FUZ: variants seen among roughly 807,000 people sequenced by gnomAD.
FUZ encodes the protein protein fuzzy homolog.
In FUZ, 31 loss-of-function variants were observed where a neutral mutation model predicts 43.1. The observed-to-expected ratio is 0.72, with a 90% CI of 0.54 to 0.97. FUZ has a LOEUF of 0.97. Among genes scored for constraint, FUZ ranks in the 50% least tolerant of loss-of-function variants. The probability of loss-of-function intolerance (pLI) is 0.00; values close to 1 mark genes in which losing one functional copy is unlikely to be tolerated. For missense variants in FUZ, 539 were observed against 543.8 expected (o/e 0.99, Z 0.09); for synonymous variants, 274 against 250.0 (o/e 1.10, Z -0.91).
intron 3 of FUZ, among the ~76,000 whole-genome samples, 157 bp downstream of exon 3, chr19:49,812,094 C>G (rs138746157): frequency 6.6e-6 from 1 of 152,140 alleles, no homozygotes; most frequent in Non-Finnish European, 1.5e-5. Flanking sequence ...GGCAACAGAG[C>G]GAGACTCCGT....
Position 49,813,265 on chromosome 19 carries a change from CA to C in FUZ, c.-160del, listed in dbSNP as rs1266036134. 1 of 733,726 alleles carries C rather than the reference CA, an allele frequency of 1.4e-6. No individual in the cohort carries two copies. Among genetic ancestry groups the C allele is most frequent in the Non-Finnish European group, 2.4e-6 (1 of 412,196 alleles). The allele number at this position is 733,726 out of a possible 1,614,324, so 45.5% of individuals were successfully genotyped here. On this transcript the variant is annotated 5_prime_UTR_variant, in exon 1 of 11. Coordinates refer to ENST00000313777, the MANE Select transcript of FUZ (RefSeq NM_025129.5). ...AACTTCCCGCCTTCTTCACCCAACT[CA>C]AACAGACCCTCAAACCCTATTCAGG...
At chr19:49,808,290 CCCTATGGCCCAGTGCAT>C (rs1354760203) in intron 10 of FUZ, 107 bp downstream of exon 10, 3 of 974,770 alleles carry the variant, frequency 3.1e-6, no homozygotes, top group Non-Finnish European at 4.7e-6. Flanking sequence ...AAAACCACTG[CCCTATGGCCCAGTGCAT>C]ACTGGGTTCC....
At position 49,808,840 on chromosome 19, in the gene FUZ, C is replaced by A; in HGVS notation, c.787-17G>T. ...CTCCAGAAGCTGCAGGGGGCGTGGT[C>A]ATTGTGAGGTCGTCATGGGAAGGCG... On this transcript the variant is annotated splice_polypyrimidine_tract_variant and intron_variant, in intron 7 of 10. Coordinates refer to ENST00000313777, the MANE Select transcript of FUZ (RefSeq NM_025129.5). The A allele has an allele frequency of 1.3e-6, 2 of 1,534,726 alleles. No homozygotes were observed. The highest frequency in any genetic ancestry group is 2.4e-5 in the South Asian group (2 of 83,852).
At chr19:49,811,266 T>C (rs769303801) in intron 5 of FUZ, 97 bp downstream of exon 5, 1 of 789,930 alleles carries the variant, frequency 1.3e-6, no homozygotes, top group Non-Finnish European at 2.2e-6. Context: ...GCTGAGAGGA[T>C]AGGAGGAGGT....
chr19:49,808,788 C>G lies in FUZ; in HGVS notation c.822G>C (p.Pro274=), dbSNP rs771008942. 1.9e-6 allele frequency: 3 copies of G among 1,558,698 alleles called. No individual in the cohort carries two copies. Among genetic ancestry groups the G allele is most frequent in the Non-Finnish European group, 2.6e-6 (3 of 1,151,702 alleles). The change falls in exon 8 of 11, where the codon CCG becomes CCC. Residue 274 remains proline (P), a synonymous_variant. Coordinates refer to ENST00000313777, the MANE Select transcript of FUZ (RefSeq NM_025129.5). ...LERWWQPLLD[P]LRACLPLGPR... The stretch of plus-strand genomic sequence containing the variant: ...GTCCCAACGGCAGACAGGCCCGCAA[C>G]GGGTCCAGCAGTGGCTGCCACCAGC...
At chr19:49,808,854 C>T (rs2073576036) in intron 7 of FUZ, 31 bp from the exon 8 acceptor site, 1 of 1,503,038 alleles carries the variant, frequency 6.7e-7, no homozygotes, top group Admixed American at 2.0e-5. Flanking sequence ...GTGAGGTCGT[C>T]ATGGGAAGGC....
chr19:49,808,035 A>C, intron 10 of FUZ: 1 of 365,936 alleles, frequency 2.7e-6, no homozygotes, highest in Non-Finnish European at 5.3e-6. Flanking sequence ...GTGTTCAAAT[A>C]TGGCTCTGCC....
chr19:49,809,340 A>T lies in FUZ; in HGVS notation c.690+38T>A. 1.3e-6 allele frequency: 2 copies of T among 1,546,334 alleles called. No homozygotes were observed. The highest frequency in any genetic ancestry group is 4.9e-5 in the East Asian group (2 of 40,902). ...CCCGCCTCCTCGCGACTCGGCCCCC[A>T]GGTCACATCCCTCCGTCGGTGCCCG... On this transcript the variant is annotated intron_variant, in intron 6 of 10. Transcript: ENST00000313777. The surrounding 1 kb of genome is among the most constrained non-coding windows in gnomAD (Gnocchi z 5.1).
At chr19:49,807,497 T>C in intron 10 of FUZ, 123 bp from the exon 11 acceptor site, 1 of 1,014,190 alleles carries the variant, frequency 9.9e-7, no homozygotes, top group Non-Finnish European at 1.5e-6. Flanking sequence ...GGGAGCCTCC[T>C]GCCAGGGGAG....
rs2073851449 is a variant in FUZ, at chr19:49,812,742, G to A, written c.112-6C>T. 6.2e-7 allele frequency: 1 copy of A among 1,613,372 alleles called. No homozygotes were observed. The highest frequency in any genetic ancestry group is 1.3e-5 in the African/African-American group (1 of 74,898). On this transcript the variant is annotated splice_polypyrimidine_tract_variant and splice_region_variant and intron_variant, in intron 1 of 10. Transcript: ENST00000313777. The stretch of plus-strand genomic sequence containing the variant: ...CCGATGACAGAGAACGGGAGCTAAG[G>A]AGGGGTTAGGGACATCAGACAAGAG...
rs1005029462 is a variant in FUZ, at chr19:49,812,582, C to T, written c.233+33G>A. 3.1e-6 allele frequency: 5 copies of T among 1,613,790 alleles called. No homozygotes were observed. In the Admixed American group the frequency reaches 5.0e-5, roughly 16 times the overall value. On this transcript the variant is annotated intron_variant, in intron 2 of 10. Coordinates refer to ENST00000313777, the MANE Select transcript of FUZ (RefSeq NM_025129.5). ...TCTTCAACAGGGACTATCACCCAGGCCCTGTCCCTGTCCCACGTTCCCTCC... is the reference window on the plus strand; with the variant it reads ...TCTTCAACAGGGACTATCACCCAGGTCCTGTCCCTGTCCCACGTTCCCTCC...
chr19:49,811,761 G>A (rs1165873207), intron 3 of FUZ, 62 bp from the exon 4 acceptor site: 1 of 1,354,552 alleles, frequency 7.4e-7, no homozygotes, highest in African/African-American at 1.4e-5. Context: ...TGGGTCTGAA[G>A]GAAGAGGGGG....
Position 49,808,748 on chromosome 19 carries a change from T to A in FUZ, c.862A>T (p.Ser288Cys). The change falls in exon 8 of 11, where the codon AGT becomes TGT. Residue 288 changes from serine to cysteine, a missense_variant. Ser to Cys is a moderately radical substitution (Grantham distance 112). Transcript: ENST00000313777. ...ATGTCTGTGTGAAGGGGGAAGCCACTGGGCAGCGCCCGGGGTCCCAACGGC... is the reference window on the plus strand; with the variant it reads ...ATGTCTGTGTGAAGGGGGAAGCCACAGGGCAGCGCCCGGGGTCCCAACGGC... Reference protein sequence around the residue: ...CLPLGPRALPSGFPLHTDILG... With the variant: ...CLPLGPRALPCGFPLHTDILG... 6.3e-7 allele frequency: 1 copy of A among 1,583,030 alleles called. No individual in the cohort carries two copies. The highest frequency in any genetic ancestry group is 8.6e-7 in the Non-Finnish European group (1 of 1,164,430).
chr19:49,812,581 G>GCC, intron 2 of FUZ, 34 bp downstream of exon 2: 1 of 1,613,598 alleles, frequency 6.2e-7, no homozygotes, highest in Middle Eastern at 1.6e-4. Flanking sequence ...TATCACCCAG[G>GCC]CCCTGTCCCT....
chr19:49,807,772 A>C (rs1161454454), intron 10 of FUZ, among the ~76,000 whole-genome samples: 2 of 152,160 alleles, frequency 1.3e-5, no homozygotes, highest in African/African-American at 4.8e-5. Context: ...CGCACAGCTA[A>C]GAAGGGGTGC....
rs1308525060 is a variant in FUZ, at chr19:49,809,330, C to A, written c.690+48G>T. 1.3e-6 allele frequency: 2 copies of A among 1,547,314 alleles called. No homozygotes were observed. The highest frequency in any genetic ancestry group is 2.4e-5 in the South Asian group (2 of 84,026). ...CATCGCAGATCCCGCCTCCTCGCGA[C>A]TCGGCCCCCAGGTCACATCCCTCCG... On this transcript the variant is annotated intron_variant, in intron 6 of 10. Coordinates refer to ENST00000313777, the MANE Select transcript of FUZ (RefSeq NM_025129.5). This position sits in a 1 kb window ranked among gnomAD's most constrained non-coding sequence, Gnocchi z 5.1.
rs1167692952 is a variant in FUZ, at chr19:49,811,639, CCTT to C, written c.376_378del (p.Lys126del). 5 of 1,614,036 alleles carry C rather than the reference CCTT, an allele frequency of 3.1e-6. No individual in the cohort carries two copies. The highest frequency in any genetic ancestry group is 1.7e-5 in the Admixed American group (1 of 60,000). The stretch of plus-strand genomic sequence containing the variant: ...ATGTCCTGCAACCTCACCCTCAAGT[CCTT>C]CTTCAGTCTCTCCACGTTGCGGATA... On this transcript the variant is annotated inframe_deletion, in exon 4 of 11. Coordinates refer to ENST00000313777, the MANE Select transcript of FUZ (RefSeq NM_025129.5).
Position 49,810,459 on chromosome 19 carries a change from G to A in FUZ, c.493-884C>T, listed in dbSNP as rs996015671. 2.9e-4 allele frequency among the ~76,000 whole-genome samples: 44 copies of A among 152,118 alleles called. 1 individual carries two copies. The highest frequency in any genetic ancestry group is 1.0e-3 in the African/African-American group (42 of 41,494). On this transcript the variant is annotated intron_variant, in intron 5 of 10. Transcript: ENST00000313777. Reference sequence around the variant, plus strand: ...GGAGGCTGAGGCGGGTGGATCACGAGGTCAGGCGTTCAAGACCAGCCTGGC... The same window carrying A: ...GGAGGCTGAGGCGGGTGGATCACGAAGTCAGGCGTTCAAGACCAGCCTGGC...
Position 49,811,469 on chromosome 19 carries a change from TAGGAG to T in FUZ, c.388-7_388-3del. 1 of 1,613,566 alleles carries T rather than the reference TAGGAG, an allele frequency of 6.2e-7. No individual in the cohort carries two copies. Among genetic ancestry groups the T allele is most frequent in the South Asian group, 1.1e-5 (1 of 91,072 alleles). ...GCTGTCGATGAGGCAATAACTGGCCTAGGAGAGGAAGAAGGGACCAGCCTAGGATT... is the reference window on the plus strand; with the variant it reads ...GCTGTCGATGAGGCAATAACTGGCCTAGGAAGAAGGGACCAGCCTAGGATT... On this transcript the variant is annotated splice_polypyrimidine_tract_variant and splice_region_variant and intron_variant, in intron 4 of 10. Coordinates refer to ENST00000313777, the MANE Select transcript of FUZ (RefSeq NM_025129.5).
Sources: gnomAD v4.1 joint callset for allele counts (sites outside exome capture counted in the v4.1 genomes callset) on GRCh38, gnomAD v4.1.1 for gene constraint, Gnocchi (gnomAD v3.1) non-coding constraint, MANE v1.5 for transcripts, NCBI Gene and HGNC (gene_info 2026-07-23, HGNC 2026-07-21) for gene names.